Variants in NSUN7 observed in about 807,000 individuals in gnomAD.
NSUN7 encodes protein NSUN7.
Under a neutral mutation model 58.5 loss-of-function variants are expected in NSUN7, and 39 were observed. The ratio of observed to expected loss-of-function variants is 0.67; its 90% CI spans 0.52 to 0.87. The LOEUF (loss-of-function observed/expected upper bound fraction) is 0.87, where lower values mean the gene tolerates loss of function less well. Among genes scored for constraint, NSUN7 ranks in the 40% least tolerant of loss-of-function variants. NSUN7 has a pLI of 0.00. For missense variants in NSUN7, 765 were observed against 844.1 expected (o/e 0.91, Z 1.16); for synonymous variants, 278 against 303.7 (o/e 0.92, Z 0.88).
chr4:40,768,425 G>C (rs1307474893), intron 4 of NSUN7, among the ~76,000 whole-genome samples: 2 of 152,052 alleles, frequency 1.3e-5, no homozygotes, highest in African/African-American at 4.8e-5. Flanking sequence ...CCTGACCGCA[G>C]GTGATCCTCC....
intron 7 of NSUN7, among the ~76,000 whole-genome samples, chr4:40,776,841 C>G (rs141114690): frequency 6.6e-6 from 1 of 152,202 alleles, no homozygotes; most frequent in African/African-American, 2.4e-5. Context: ...ATCTCAAACT[C>G]CTGGGCTCAA....
At chr4:40,759,998 A>G (rs1003928745) in intron 2 of NSUN7, among the ~76,000 whole-genome samples, 3 of 152,188 alleles carry the variant, frequency 2.0e-5, no homozygotes, top group Non-Finnish European at 1.5e-5. Flanking sequence ...AGATCGCACC[A>G]TTGTACTCCA....
Position 40,807,192 on chromosome 4 carries a change from A to G in NSUN7, c.1524+8A>G. ...TCTATTTTAACAAGGGAGGTAAGGAAAAAAAATCCTAATCCATGTCATACT... is the reference window on the plus strand; with the variant it reads ...TCTATTTTAACAAGGGAGGTAAGGAGAAAAAATCCTAATCCATGTCATACT... On this transcript the variant is annotated splice_region_variant and intron_variant, in intron 11 of 11. Transcript: ENST00000381782. The G allele has an allele frequency of 6.7e-7, 1 of 1,495,442 alleles. No individual in the cohort carries two copies. The allele number at this position is 1,495,442 out of a possible 1,614,324, so 92.6% of individuals were successfully genotyped here. A position where few individuals can be genotyped will look rare whatever the true frequency, so the allele number is the denominator to read the frequency against.
At chr4:40,781,317 C>T (rs946384962) in intron 7 of NSUN7, among the ~76,000 whole-genome samples, 1 of 152,124 alleles carries the variant, frequency 6.6e-6, no homozygotes, top group South Asian at 2.1e-4. Context: ...TCCCAAATTG[C>T]TGGGATTACA....
At chr4:40,792,044 T>C (rs1287672987) in intron 8 of NSUN7, among the ~76,000 whole-genome samples, 1 of 152,218 alleles carries the variant, frequency 6.6e-6, no homozygotes, top group Non-Finnish European at 1.5e-5. Flanking sequence ...TTTGACTTGC[T>C]ATAGAAAATT....
At chr4:40,779,976 T>C (rs191876090) in intron 7 of NSUN7, among the ~76,000 whole-genome samples, 52 of 151,492 alleles carry the variant, frequency 3.4e-4, no homozygotes, top group Non-Finnish European at 5.8e-4. Context: ...GGAATATGAG[T>C]CTAAAAAAAG....
At chr4:40,792,621 G>C (rs1296159299) in intron 8 of NSUN7, among the ~76,000 whole-genome samples, 1 of 152,102 alleles carries the variant, frequency 6.6e-6, no homozygotes, top group African/African-American at 2.4e-5. Flanking sequence ...CGAGGTGGCG[G>C]GCGCCTGTAG....
chr4:40,798,369 T>G (rs1743413772), intron 9 of NSUN7, among the ~76,000 whole-genome samples: 1 of 152,242 alleles, frequency 6.6e-6, no homozygotes. Context: ...AGACTTTAAG[T>G]AATTTGCCCA....
chr4:40,774,551 A>G, intron 5 of NSUN7, 134 bp downstream of exon 5: 3 of 871,960 alleles, frequency 3.4e-6, no homozygotes, highest in Middle Eastern at 7.0e-4. Context: ...GTTAAGTTCC[A>G]GAGCTTATGA....
intron 4 of NSUN7, among the ~76,000 whole-genome samples, chr4:40,767,017 TC>T (rs1741766542): frequency 6.6e-6 from 1 of 151,012 alleles, no homozygotes; most frequent in Non-Finnish European, 1.5e-5. Flanking sequence ...ATTTTGTTGA[TC>T]CTTTCAAAAA....
At chr4:40,795,108 C>A (rs1371277517) in intron 9 of NSUN7, among the ~76,000 whole-genome samples, 2 of 152,112 alleles carry the variant, frequency 1.3e-5, no homozygotes, top group Non-Finnish European at 2.9e-5. Flanking sequence ...CACTTTGGGT[C>A]AGGTATTAAG....
At chr4:40,767,959 T>G (rs1741814453) in intron 4 of NSUN7, among the ~76,000 whole-genome samples, 1 of 152,134 alleles carries the variant, frequency 6.6e-6, no homozygotes, top group Non-Finnish European at 1.5e-5. Flanking sequence ...TTATCTTACC[T>G]CCCATTTCTA....
intron 3 of NSUN7, 92 bp downstream of exon 3, chr4:40,760,584 C>T (rs966873942): frequency 2.7e-5 from 28 of 1,032,040 alleles, no homozygotes; most frequent in South Asian, 1.2e-4. Context: ...AGTTTGAGGC[C>T]GGGCGCAGTG....
At chr4:40,756,260 G>A (rs1741139733) in intron 2 of NSUN7, among the ~76,000 whole-genome samples, 1 of 152,200 alleles carries the variant, frequency 6.6e-6, no homozygotes, top group African/African-American at 2.4e-5. Flanking sequence ...AATTTCACCT[G>A]TCTGATAAAC....
chr4:40,774,794 G>A lies in NSUN7; in HGVS notation c.669G>A (p.Lys223=). 1.9e-6 allele frequency: 3 copies of A among 1,541,616 alleles called. No individual in the cohort carries two copies. Among genetic ancestry groups the A allele is most frequent in the Non-Finnish European group, 2.7e-6 (3 of 1,129,624 alleles). The change falls in exon 6 of 12, where the codon AAG becomes AAA. Residue 223 remains lysine (K), a synonymous_variant. Coordinates refer to ENST00000381782, the MANE Select transcript of NSUN7 (RefSeq NM_024677.6). ...CTGAAGAAGTTTATAATAATTTGAA[G>A]AGAAGAGGCTATAATAAAGTCAAAT... is the stretch of plus-strand genomic sequence containing the variant. The part of the protein sequence containing the change: ...ISPEEVYNNL[K]RRGYNKVKSV...
At chr4:40,756,357 A>T (rs1209203943) in intron 2 of NSUN7, among the ~76,000 whole-genome samples, 2 of 152,250 alleles carry the variant, frequency 1.3e-5, no homozygotes, top group Admixed American at 6.5e-5. Context: ...ACATGGAAAC[A>T]TGTAAAATGG....
In NSUN7 at chr4:40,774,431, T is replaced by G; in HGVS notation, c.641+14T>G. 6.2e-7 allele frequency: 1 copy of G among 1,606,728 alleles called. No homozygotes were observed. The highest frequency in any genetic ancestry group is 8.5e-7 in the Non-Finnish European group (1 of 1,174,488). ...TTGTAAAATCAGGTAAGTGTTTAAA[T>G]CAAATTCTTTATATTTCAAGTCTCC... On this transcript the variant is annotated intron_variant, in intron 5 of 11. Transcript: ENST00000381782.
At chr4:40,762,067 T>C (rs1163793124) in intron 4 of NSUN7, among the ~76,000 whole-genome samples, 2 of 152,174 alleles carry the variant, frequency 1.3e-5, no homozygotes, top group Non-Finnish European at 2.9e-5. Context: ...AAAGGGCTTG[T>C]GAGATGGGTT....
chr4:40,757,858 A>G (rs1741248695), intron 2 of NSUN7, among the ~76,000 whole-genome samples: 1 of 151,458 alleles, frequency 6.6e-6, no homozygotes, highest in Non-Finnish European at 1.5e-5. Context: ...TGGGAAAAGG[A>G]TGTTCTGTTC....
Sources: gnomAD v4.1 joint callset for allele counts (sites outside exome capture counted in the v4.1 genomes callset) on GRCh38, gnomAD v4.1.1 for gene constraint, MANE v1.5 for transcripts, NCBI Gene and HGNC (gene_info 2026-07-23, HGNC 2026-07-21) for gene names.